Variants in UVSSA observed in about 807,000 individuals in gnomAD.
UVSSA encodes UV-stimulated scaffold protein A.
UVSSA carries 72 observed loss-of-function variants against 73.9 expected under a neutral mutation model. That is an observed-to-expected ratio of 0.97 (90% CI 0.81 to 1.19). The LOEUF (loss-of-function observed/expected upper bound fraction) is 1.19. Among genes scored for constraint, UVSSA ranks in the 50% most tolerant of loss-of-function variants. The pLI is 0.00. For missense variants in UVSSA, 1,150 were observed against 965.0 expected (o/e 1.19, Z -2.54); for synonymous variants, 454 against 391.3 (o/e 1.16, Z -1.89).
Position 1,383,953 on chromosome 4 carries a change from G to A in UVSSA, c.2036+13G>A, listed in dbSNP as rs1400786901. On this transcript the variant is annotated intron_variant, in intron 13 of 13. Coordinates refer to ENST00000389851, the MANE Select transcript of UVSSA (RefSeq NM_020894.4). The stretch of plus-strand genomic sequence containing the variant: ...AAGTCTTCGCCAAGTAAGAGTGGCT[G>A]CTGGGTCACCTCCCACCGCGTGGCC... The A allele has an allele frequency of 3.7e-6, 6 of 1,605,540 alleles. No individual in the cohort carries two copies. The highest frequency in any genetic ancestry group is 2.7e-5 in the African/African-American group (2 of 74,828).
At position 1,348,106 on chromosome 4, in the gene UVSSA, T is replaced by C; in HGVS notation, c.15T>C (p.Leu5=). The C allele has an allele frequency of 6.2e-7, 1 of 1,613,496 alleles. No homozygotes were observed. The highest frequency in any genetic ancestry group is 8.5e-7 in the Non-Finnish European group (1 of 1,179,742). ...TATTTCTAGATATGGATCAGAAACT[T>C]TCGAAGTTGGTAGAAGAGCTCACAA... is the stretch of plus-strand genomic sequence containing the variant. MDQK[L]SKLVEELTTS... The change falls in exon 2 of 14, where the codon CTT becomes CTC. Residue 5 remains leucine (L), a synonymous_variant. Transcript: ENST00000389851.
In UVSSA at chr4:1,353,367, CGGGCT is replaced by C. The variant is rs769306986; in HGVS notation, c.894_898del (p.Gly299AlafsTer66). ...ACCTCGAGGAGTTTGTGCGGAGCCA[CGGGCT>C]GGGCTCGCACAAGTACACGCTGGAT... On this transcript the variant is annotated frameshift_variant, in exon 5 of 14. Coordinates refer to ENST00000389851, the MANE Select transcript of UVSSA (RefSeq NM_020894.4). LOFTEE classifies it high-confidence loss of function. 8.1e-6 allele frequency: 13 copies of C among 1,605,354 alleles called. No individual in the cohort carries two copies. In the South Asian group the frequency reaches 1.4e-4, roughly 18 times the overall value.
chr4:1,361,334 G>A (rs920303019), intron 7 of UVSSA, among the ~76,000 whole-genome samples: 7 of 152,254 alleles, frequency 4.6e-5, no homozygotes, highest in Non-Finnish European at 7.3e-5. Flanking sequence ...GAGTGACCTG[G>A]GTTAGACGAG....
exon 14 of UVSSA, chr4:1,395,699 C>T (rs753884610): frequency 1.9e-6 from 3 of 1,614,180 alleles, no homozygotes; most frequent in Middle Eastern, 1.6e-4. Context: ...TGCCCGCCTG[C>T]TCACACAAAG....
exon 14 of UVSSA, chr4:1,395,881 AG>A (rs1386628518): frequency 3.9e-5 from 63 of 1,599,148 alleles, no homozygotes; most frequent in Non-Finnish European, 5.2e-5. Flanking sequence ...GGAAGAGGAG[AG>A]GGTGTTTTTG....
chr4:1,347,881 GT>G (rs1191210667), intron 1 of UVSSA, 121 bp downstream of exon 1: 9 of 562,002 alleles, frequency 1.6e-5, no homozygotes, highest in Non-Finnish European at 2.5e-5. Flanking sequence ...GAGGTCCCGA[GT>G]TTAAGGTTCA....
At position 1,394,742 on chromosome 4, in the gene UVSSA, T is replaced by TCA. The variant is rs540055716; in HGVS notation, c.*8782_*8783dup. 3.6e-5 allele frequency: 55 copies of TCA among 1,543,494 alleles called. No homozygotes were observed. The African/African-American group carries it at 7.3e-4, about 21-fold the overall frequency. ...GTGTCCATGTGGAGTGCCCACCTGC[T>TCA]CATGTGCCCATGTGGAGTGCCCACC... On this transcript the variant is annotated 3_prime_UTR_variant, in exon 14 of 14. Coordinates refer to the UVSSA transcript ENST00000511216.
At chr4:1,369,397 G>C (rs1717747105) in intron 8 of UVSSA, among the ~76,000 whole-genome samples, 1 of 152,218 alleles carries the variant, frequency 6.6e-6, no homozygotes, top group Non-Finnish European at 1.5e-5. Context: ...CGGGAAGCGT[G>C]GGGGCAGGCG....
intron 7 of UVSSA, among the ~76,000 whole-genome samples, chr4:1,363,570 G>C (rs13121833): frequency 0.3 from 45,041 of 152,120 alleles, 7,950 homozygotes; most frequent in Non-Finnish European, 0.4. Context: ...CATAAATTCT[G>C]TTTAGTGTGT....
At chr4:1,359,136 G>C (rs1716243589) in intron 7 of UVSSA, 1 of 152,242 alleles carries the variant, frequency 6.6e-6, no homozygotes, top group Non-Finnish European at 1.5e-5. Context: ...ACTTAGGCGG[G>C]TTTGAATATG....
chr4:1,343,701 C>T (rs926559012), upstream of UVSSA, among the ~76,000 whole-genome samples: 2 of 152,226 alleles, frequency 1.3e-5, no homozygotes, highest in East Asian at 1.9e-4. Context: ...GCAGGAAAAT[C>T]GCTTGAACCC....
At chr4:1,355,304 G>A in intron 7 of UVSSA, 59 bp downstream of exon 7, 2 of 1,438,894 alleles carry the variant, frequency 1.4e-6, no homozygotes, top group Non-Finnish European at 1.9e-6. Flanking sequence ...GGGAGGAGAA[G>A]CTGTGGGGGG....
chr4:1,345,259 T>A (rs527545278), upstream of UVSSA, among the ~76,000 whole-genome samples: 1 of 151,946 alleles, frequency 6.6e-6, no homozygotes, highest in Non-Finnish European at 1.5e-5. Flanking sequence ...CTGTCAGGAT[T>A]TGCAAACCAA....
intron 8 of UVSSA, among the ~76,000 whole-genome samples, chr4:1,371,019 C>T (rs974559360): frequency 2.4e-4 from 37 of 152,222 alleles, no homozygotes; most frequent in East Asian, 1.9e-4. Flanking sequence ...CCTCATTCTC[C>T]TCCCAGCTCT....
chr4:1,376,364 G>A (rs1022694404), intron 10 of UVSSA, among the ~76,000 whole-genome samples, 196 bp downstream of exon 10: 2 of 152,214 alleles, frequency 1.3e-5, no homozygotes, highest in African/African-American at 4.8e-5. Flanking sequence ...AGCCCAGAAA[G>A]GCTTTTTTGA....
At chr4:1,380,393 G>A (rs189049477) in intron 11 of UVSSA, among the ~76,000 whole-genome samples, 163 bp downstream of exon 11, 7 of 152,358 alleles carry the variant, frequency 4.6e-5, no homozygotes, top group East Asian at 1.9e-4. Context: ...TTGCTTAGCC[G>A]TTGGCCATCA....
upstream of UVSSA, among the ~76,000 whole-genome samples, chr4:1,343,374 C>T (rs543963987): frequency 6.6e-6 from 1 of 152,224 alleles, no homozygotes; most frequent in African/African-American, 2.4e-5. Context: ...TTAAAGGCCT[C>T]ATCTCCAAAT....
rs1391861592 is a variant in UVSSA, at chr4:1,366,531, C to T, written c.1288+100C>T. The T allele has an allele frequency of 4.8e-6, 4 of 824,982 alleles. No homozygotes were observed. In the African/African-American group the frequency reaches 6.9e-5, roughly 14 times the overall value. The allele number at this position is 824,982 out of a possible 1,614,324, so 51.1% of individuals were successfully genotyped here. ...GACCTCAGGGGCAGGGCCTGGAGCC[C>T]ATCTTGTGGTAACTGCTGCTTTGGT... On this transcript the variant is annotated intron_variant, in intron 8 of 13. Coordinates refer to ENST00000389851, the MANE Select transcript of UVSSA (RefSeq NM_020894.4).
At chr4:1,371,910 C>A (rs1051654058) in intron 8 of UVSSA, among the ~76,000 whole-genome samples, 1 of 152,208 alleles carries the variant, frequency 6.6e-6, no homozygotes, top group Non-Finnish European at 1.5e-5. Context: ...ACGGCTCATT[C>A]TTTCCCTAAC....
Sources: allele counts gnomAD v4.1 joint callset (sites outside exome capture counted in the v4.1 genomes callset), GRCh38; gene constraint gnomAD v4.1.1; transcripts MANE v1.5; gene names NCBI Gene and HGNC (gene_info 2026-07-23, HGNC 2026-07-21).